LMLN: variants seen among roughly 807,000 people sequenced by gnomAD.
The protein encoded by LMLN is leishmanolysin like peptidase.
In LMLN, 70 loss-of-function variants were observed where a neutral mutation model predicts 92.3. That is an observed-to-expected ratio of 0.76 (90% CI 0.63 to 0.92). LMLN has a LOEUF of 0.92. Ranked by LOEUF, LMLN falls within the 40% of genes least tolerant of loss-of-function variation. LMLN has a pLI of 0.00. For missense variants in LMLN, 691 were observed against 814.6 expected (o/e 0.85, Z 1.85); for synonymous variants, 308 against 296.2 (o/e 1.04, Z -0.41).
chr3:197,980,515 C>T lies in LMLN; in HGVS notation c.728+11C>T, dbSNP rs971027314. The T allele has an allele frequency of 3.1e-6, 5 of 1,606,108 alleles. No individual in the cohort carries two copies. The highest frequency in any genetic ancestry group is 1.3e-5 in the African/African-American group (1 of 74,604). The stretch of plus-strand genomic sequence containing the variant: ...AGCAAACATGGACAGGTAATCTTTC[C>T]TCCGGGACTTAGTTTCCAAGATCTA... On this transcript the variant is annotated intron_variant, in intron 6 of 15. Transcript: ENST00000330198.
chr3:198,035,400 G>A (rs190281959), intron 14 of LMLN, among the ~76,000 whole-genome samples: 1 of 125,150 alleles, frequency 8.0e-6, no homozygotes, highest in Non-Finnish European at 1.6e-5. Flanking sequence ...GTCTCGCTCT[G>A]TTGGCAGGCT....
chr3:197,995,535 A>T (rs1424911863), intron 9 of LMLN, among the ~76,000 whole-genome samples: 2 of 152,192 alleles, frequency 1.3e-5, no homozygotes, highest in African/African-American at 4.8e-5. Context: ...ATCTAAAACT[A>T]TTGAACCCCG....
intron 5 of LMLN, among the ~76,000 whole-genome samples, chr3:197,978,817 C>T (rs1246289938): frequency 6.6e-6 from 1 of 152,004 alleles, no homozygotes; most frequent in Non-Finnish European, 1.5e-5. Context: ...ACGGTGAAAC[C>T]TTCTGTCTAC....
exon 1 of LMLN, chr3:197,960,330 G>T: frequency 6.2e-7 from 1 of 1,613,938 alleles, no homozygotes; most frequent in Admixed American, 1.7e-5. Flanking sequence ...GTCTGTGTGG[G>T]TCCGAAGCGT....
intron 7 of LMLN, 166 bp from the exon 8 acceptor site, chr3:197,985,630 A>G (rs752469959): frequency 1.6e-5 from 7 of 438,314 alleles, no homozygotes; most frequent in Admixed American, 3.7e-5. Flanking sequence ...ATTTATAAAT[A>G]TGGAACACTT....
At chr3:198,030,517 C>T (rs75287346) in intron 14 of LMLN, among the ~76,000 whole-genome samples, 9,791 of 152,276 alleles carry the variant, frequency 0.064, 375 homozygotes, top group African/African-American at 0.099. Context: ...CATCTCCTTT[C>T]AGTAGAACCA....
intron 1 of LMLN, among the ~76,000 whole-genome samples, chr3:197,972,128 A>G (rs1030693064): frequency 6.6e-6 from 1 of 150,676 alleles, no homozygotes; most frequent in Non-Finnish European, 1.5e-5. Context: ...GTGATGGTGC[A>G]GTCTTGGCTC....
intron 4 of LMLN, 61 bp downstream of exon 4, chr3:197,976,172 C>A: frequency 1.0e-6 from 1 of 997,956 alleles, no homozygotes; most frequent in Non-Finnish European, 1.5e-6. Flanking sequence ...CTTTCTCGTT[C>A]TATGAACATG....
intron 1 of LMLN, among the ~76,000 whole-genome samples, chr3:197,973,433 G>A (rs1193134136): frequency 6.6e-6 from 1 of 151,962 alleles, no homozygotes; most frequent in African/African-American, 2.4e-5. Context: ...TAGTAGAGAT[G>A]GGGTTTCACC....
intron 6 of LMLN, 61 bp downstream of exon 6, chr3:197,980,565 G>C: frequency 6.8e-7 from 1 of 1,469,012 alleles, no homozygotes; most frequent in South Asian, 1.2e-5. Context: ...AAAGCAAACT[G>C]TATTTTTAGT....
intron 11 of LMLN, among the ~76,000 whole-genome samples, chr3:198,014,472 GCCCC>G (rs1722558374): frequency 1.5e-5 from 2 of 132,820 alleles, no homozygotes; most frequent in Non-Finnish European, 3.2e-5. Flanking sequence ...ACCCTTCAGA[GCCCC>G]CTAACTAGTC....
chr3:198,014,140 T>C (rs1385412149), intron 11 of LMLN, among the ~76,000 whole-genome samples: 865 of 78,298 alleles, frequency 0.011, no homozygotes, highest in Middle Eastern at 0.064. Context: ...CCCTTCAGAG[T>C]CCCCTAACTA....
At chr3:198,017,495 A>T (rs114817809) in intron 11 of LMLN, among the ~76,000 whole-genome samples, 1 of 152,158 alleles carries the variant, frequency 6.6e-6, no homozygotes, top group Non-Finnish European at 1.5e-5. Context: ...AAAACTGATA[A>T]ATCGCCCAAC....
chr3:198,001,035 C>T (rs1722158662), intron 11 of LMLN, among the ~76,000 whole-genome samples: 1 of 152,000 alleles, frequency 6.6e-6, no homozygotes, highest in South Asian at 2.1e-4. Flanking sequence ...TCTAATGCCC[C>T]CTCTACTCCC....
At chr3:198,007,910 A>G (rs777296619) in intron 11 of LMLN, among the ~76,000 whole-genome samples, 4 of 152,206 alleles carry the variant, frequency 2.6e-5, no homozygotes, top group Non-Finnish European at 5.9e-5. Flanking sequence ...GTAGCTGTCT[A>G]TTCCTGTGTT....
At chr3:198,037,806 T>A (rs1489282383) in intron 15 of LMLN, among the ~76,000 whole-genome samples, 1 of 152,184 alleles carries the variant, frequency 6.6e-6, no homozygotes, top group Non-Finnish European at 1.5e-5. Context: ...AAAATATACC[T>A]CTAGTGCCCA....
chr3:197,962,960 A>G (rs1720946934), intron 1 of LMLN, among the ~76,000 whole-genome samples: 1 of 152,132 alleles, frequency 6.6e-6, no homozygotes, highest in African/African-American at 2.4e-5. Flanking sequence ...GGGGAGGCTC[A>G]AAGACAGATC....
intron 11 of LMLN, among the ~76,000 whole-genome samples, chr3:198,014,283 C>T (rs1202964041): frequency 2.8e-5 from 4 of 141,086 alleles, no homozygotes; most frequent in Non-Finnish European, 6.2e-5. Flanking sequence ...CTCCACCCTT[C>T]AGAGTCCCCT....
chr3:198,037,099 C>G (rs1255666707), intron 15 of LMLN, among the ~76,000 whole-genome samples: 1 of 152,120 alleles, frequency 6.6e-6, no homozygotes, highest in East Asian at 1.9e-4. Context: ...CCAGGAGCAC[C>G]TTAAATTTGT....
Sources: allele counts gnomAD v4.1 joint callset (sites outside exome capture counted in the v4.1 genomes callset), GRCh38; gene constraint gnomAD v4.1.1; transcripts MANE v1.5; gene names NCBI Gene and HGNC (gene_info 2026-07-23, HGNC 2026-07-21).